KIRREL3: variants seen among roughly 807,000 people sequenced by gnomAD.
KIRREL3 encodes the protein kirre like nephrin family adhesion molecule 3.
KIRREL3 carries 36 observed loss-of-function variants against 89.7 expected under a neutral mutation model. That is an observed-to-expected ratio of 0.40 (90% confidence interval 0.31 to 0.53). The LOEUF is 0.53. KIRREL3 is among the 20% of genes least tolerant of loss of function. The probability of loss-of-function intolerance (pLI) is 0.49; values close to 1 mark genes in which losing one functional copy is unlikely to be tolerated. For missense variants in KIRREL3, 864 were observed against 1,056.6 expected (o/e 0.82, Z 2.53); for synonymous variants, 445 against 441.4 (o/e 1.01, Z -0.10).
At chr11:126,714,036 C>A (rs1947861951) in intron 1 of KIRREL3, among the ~76,000 whole-genome samples, 1 of 152,070 alleles carries the variant, frequency 6.6e-6, no homozygotes, top group Non-Finnish European at 1.5e-5. Flanking sequence ...GGTAGAGCAG[C>A]TTTTGCATCA....
Position 126,555,552 on chromosome 11 carries a change from G to A in KIRREL3, c.133+7283C>T, listed in dbSNP as rs914847819. On this transcript the variant is annotated intron_variant, in intron 2 of 16. Coordinates refer to ENST00000525144, the MANE Select transcript of KIRREL3 (RefSeq NM_032531.4). This position sits in a 1 kb window ranked among gnomAD's most constrained non-coding sequence, Gnocchi z 4.2. ...TTACCAGGTGAAGGGTTTGGGGATG[G>A]GGTGAGCGTGGCAAGCAGGGTAGAC... 3.8e-4 allele frequency among the ~76,000 whole-genome samples: 57 copies of A among 151,996 alleles called. No homozygotes were observed. The highest frequency in any genetic ancestry group is 1.1e-3 in the African/African-American group (44 of 41,374).
chr11:126,667,304 A>G (rs1945707912), intron 1 of KIRREL3, among the ~76,000 whole-genome samples: 1 of 152,260 alleles, frequency 6.6e-6, no homozygotes, highest in Admixed American at 6.5e-5. Flanking sequence ...ACAGTTGGAT[A>G]TTGAGTTGCT....
intron 4 of KIRREL3, among the ~76,000 whole-genome samples, chr11:126,506,278 T>A (rs568351784): frequency 6.6e-6 from 1 of 152,310 alleles, no homozygotes; most frequent in East Asian, 1.9e-4. Context: ...AATTAAAAGT[T>A]TTTGTGCTTC....
intron 1 of KIRREL3, among the ~76,000 whole-genome samples, chr11:126,762,430 G>A (rs773037501): frequency 2.6e-5 from 4 of 152,190 alleles, no homozygotes; most frequent in Non-Finnish European, 4.4e-5. Flanking sequence ...TTTAGCTACT[G>A]TTAAATATTA....
chr11:126,516,816 G>A lies in KIRREL3; in HGVS notation c.433+4499C>T, dbSNP rs546862742. Among the ~76,000 whole-genome samples, 1 of 152,324 alleles carries A rather than the reference G, an allele frequency of 6.6e-6. No individual in the cohort carries two copies. The highest frequency in any genetic ancestry group is 2.1e-4 in the South Asian group (1 of 4,826). On this transcript the variant is annotated intron_variant, in intron 4 of 16. Coordinates refer to ENST00000525144, the MANE Select transcript of KIRREL3 (RefSeq NM_032531.4). This position sits in a 1 kb window ranked among gnomAD's most constrained non-coding sequence, Gnocchi z 4.9. Reference sequence around the variant, plus strand: ...TATGTGTACACAACTTTAAAATACAGGCGGGGTGGCTCACGCTTGTAATCC... The same window carrying A: ...TATGTGTACACAACTTTAAAATACAAGCGGGGTGGCTCACGCTTGTAATCC...
rs1214457751 is a variant in KIRREL3, at chr11:126,591,007, C to T, written c.56-28095G>A. On this transcript the variant is annotated intron_variant, in intron 1 of 16. Coordinates refer to ENST00000525144, the MANE Select transcript of KIRREL3 (RefSeq NM_032531.4). ...GGAGGCCGCTGAGGCGGGCAGATCA[C>T]TTGAGCCCAGGAGTTTGAGACCAGC... Among the ~76,000 whole-genome samples the T allele has an allele frequency of 3.3e-5, 5 of 152,214 alleles. No homozygotes were observed. In the East Asian group the frequency reaches 5.8e-4, roughly 18 times the overall value.
At chr11:126,712,123 G>A (rs1170434327) in intron 1 of KIRREL3, among the ~76,000 whole-genome samples, 3 of 152,222 alleles carry the variant, frequency 2.0e-5, no homozygotes, top group African/African-American at 7.2e-5. Context: ...AGCGCGCAGC[G>A]ACTTTCCTAC....
intron 1 of KIRREL3, among the ~76,000 whole-genome samples, chr11:126,760,278 C>A (rs1482235681): frequency 6.6e-6 from 1 of 152,172 alleles, no homozygotes; most frequent in Non-Finnish European, 1.5e-5. Flanking sequence ...ACTGAGATAC[C>A]TAGATCATCA....
rs1038408179 is a variant in KIRREL3, at chr11:126,516,417, A to G, written c.433+4898T>C. Among the ~76,000 whole-genome samples the G allele has an allele frequency of 2.6e-5, 4 of 152,078 alleles. No individual in the cohort carries two copies. Among genetic ancestry groups the G allele is most frequent in the African/African-American group, 9.7e-5 (4 of 41,384 alleles). Reference sequence around the variant, plus strand: ...TGCTCTACTTTTTCCTTTCCGTAGCATTTATTACCACCTCACATCCTGTAC... The same window carrying G: ...TGCTCTACTTTTTCCTTTCCGTAGCGTTTATTACCACCTCACATCCTGTAC... On this transcript the variant is annotated intron_variant, in intron 4 of 16. Coordinates refer to ENST00000525144, the MANE Select transcript of KIRREL3 (RefSeq NM_032531.4). This position sits in a 1 kb window ranked among gnomAD's most constrained non-coding sequence, Gnocchi z 4.9.
chr11:126,559,634 T>G (rs920746429), intron 2 of KIRREL3, among the ~76,000 whole-genome samples: 2 of 152,010 alleles, frequency 1.3e-5, no homozygotes, highest in Admixed American at 1.3e-4. Context: ...AGATGTATTT[T>G]TACTGTGAGC....
intron 1 of KIRREL3, among the ~76,000 whole-genome samples, chr11:126,821,210 G>A (rs1943202007): frequency 6.6e-6 from 1 of 151,680 alleles, no homozygotes; most frequent in Admixed American, 6.6e-5. Context: ...TCCTAGACAA[G>A]GCTTCTCTCC....
chr11:126,512,038 G>A (rs1013850050), intron 4 of KIRREL3, among the ~76,000 whole-genome samples: 1 of 152,128 alleles, frequency 6.6e-6, no homozygotes, highest in African/African-American at 2.4e-5. Context: ...GGACTGGCTG[G>A]CCTGCCCCTC....
chr11:126,502,273 G>A (rs553549743), intron 4 of KIRREL3, among the ~76,000 whole-genome samples: 8 of 152,130 alleles, frequency 5.3e-5, no homozygotes, highest in Admixed American at 1.3e-4. Context: ...TCCACTCACC[G>A]CACTGGACCA....
intron 1 of KIRREL3, among the ~76,000 whole-genome samples, chr11:126,880,009 A>C (rs907977974): frequency 1.3e-5 from 2 of 152,222 alleles, no homozygotes; most frequent in African/African-American, 4.8e-5. Context: ...AGCTAAAGGC[A>C]TGAGGTATTG....
At position 126,519,942 on chromosome 11, in the gene KIRREL3, C is replaced by A. The variant is rs773821344; in HGVS notation, c.433+1373G>T. 6.6e-6 allele frequency among the ~76,000 whole-genome samples: 1 copy of A among 152,138 alleles called. No homozygotes were observed. The highest frequency in any genetic ancestry group is 6.5e-5 in the Admixed American group (1 of 15,282). On this transcript the variant is annotated intron_variant, in intron 4 of 16. Coordinates refer to ENST00000525144, the MANE Select transcript of KIRREL3 (RefSeq NM_032531.4). This position sits in a 1 kb window ranked among gnomAD's most constrained non-coding sequence, Gnocchi z 4.3. ...CGGCCATGGAATCCCAACTTATTTACCCCCGCTGGAACAGGTTTATTTTCT... is the reference window on the plus strand; with the variant it reads ...CGGCCATGGAATCCCAACTTATTTAACCCCGCTGGAACAGGTTTATTTTCT...
At chr11:126,859,589 G>A (rs570845728) in intron 1 of KIRREL3, among the ~76,000 whole-genome samples, 7 of 152,226 alleles carry the variant, frequency 4.6e-5, no homozygotes, top group South Asian at 2.1e-4. Context: ...AATGAGAGAA[G>A]CCACACACAT....
At chr11:126,959,320 C>T (rs78201067) in intron 1 of KIRREL3, among the ~76,000 whole-genome samples, 2,033 of 152,296 alleles carry the variant, frequency 0.013, 56 homozygotes, top group East Asian at 0.12. Context: ...TATTATCTAT[C>T]TGGGATAAAG....
rs1454357248 is a variant in KIRREL3 at position 126,965,817 on chromosome 11, T to C, written c.55+34638A>G. Among the ~76,000 whole-genome samples, 1 of 152,174 alleles carries C rather than the reference T, an allele frequency of 6.6e-6. No homozygotes were observed. The highest frequency in any genetic ancestry group is 1.5e-5 in the Non-Finnish European group (1 of 68,032). ...AGTGCTTCCAGAGTGCCAGCGATGA[T>C]AGCCAGACAGGTGACAGAACTCGAT... On this transcript the variant is annotated intron_variant, in intron 1 of 16. Transcript: ENST00000525144. The surrounding 1 kb of genome is among the most constrained non-coding windows in gnomAD (Gnocchi z 4.4).
Position 126,489,032 on chromosome 11 carries a change from G to C in KIRREL3, c.434-15566C>G, listed in dbSNP as rs10790808. ...TGTGGACACCTACACGATGTTCAGTGTTTGCTCAAATGTGCCCTCTGACCT... is the reference window on the plus strand; with the variant it reads ...TGTGGACACCTACACGATGTTCAGTCTTTGCTCAAATGTGCCCTCTGACCT... On this transcript the variant is annotated intron_variant, in intron 4 of 16. Coordinates refer to ENST00000525144, the MANE Select transcript of KIRREL3 (RefSeq NM_032531.4). The surrounding 1 kb of genome is among the most constrained non-coding windows in gnomAD (Gnocchi z 5.5). Among the ~76,000 whole-genome samples the C allele has an allele frequency of 0.83, 125,863 of 151,992 alleles. 52,245 individuals carry two copies. The highest frequency in any genetic ancestry group is 0.9 in the East Asian group (4,609 of 5,134).
Sources: allele counts gnomAD v4.1 joint callset (sites outside exome capture counted in the v4.1 genomes callset), GRCh38; gene constraint gnomAD v4.1.1; non-coding constraint Gnocchi (gnomAD v3.1); transcripts MANE v1.5; gene names NCBI Gene and HGNC (gene_info 2026-07-23, HGNC 2026-07-21).